Variants in IGFL2 observed in about 807,000 individuals in gnomAD.
IGFL2 encodes insulin growth factor-like family member 2.
A neutral mutation model predicts 13.9 loss-of-function variants in IGFL2; 7 were observed. The ratio of observed to expected loss-of-function variants is 0.51; its 90% confidence interval spans 0.29 to 0.95. The LOEUF (loss-of-function observed/expected upper bound fraction) is 0.95. Ranked by LOEUF, IGFL2 falls within the 40% of genes least tolerant of loss-of-function variation. IGFL2 has a pLI of 0.08. For synonymous variants in IGFL2, 55 were observed against 55.8 expected (o/e 0.99, Z 0.07); for missense variants, 138 against 147.8 (o/e 0.93, Z 0.34).
chr19:46,110,951 T>A, the IGFL2 span: 1 of 152,196 alleles, frequency 6.6e-6, no homozygotes, highest in Non-Finnish European at 1.5e-5. Flanking sequence ...AGCTTTGTTA[T>A]TTTTTTAAAA....
the IGFL2 span, among the ~76,000 whole-genome samples, chr19:46,090,986 C>T: frequency 1.3e-5 from 2 of 152,120 alleles, no homozygotes; most frequent in African/African-American, 4.8e-5. Flanking sequence ...TGCTATGCTG[C>T]CTGGGGTTGA....
chr19:46,207,752 C>G, the IGFL2 span: 1 of 152,198 alleles, frequency 6.6e-6, no homozygotes, highest in South Asian at 2.1e-4. Context: ...GAACAAAAGA[C>G]ATTCCTATCA....
At chr19:46,210,725 G>A in the IGFL2 span, among the ~76,000 whole-genome samples, 1 of 152,168 alleles carries the variant, frequency 6.6e-6, no homozygotes, top group Non-Finnish European at 1.5e-5. Flanking sequence ...CCCACGTTAA[G>A]GGTGGGTCTG....
chr19:46,193,716 A>G, the IGFL2 span, among the ~76,000 whole-genome samples: 13 of 152,148 alleles, frequency 8.5e-5, no homozygotes, highest in African/African-American at 2.2e-4. Context: ...CAGCTGCACT[A>G]TGTGGTAACT....
chr19:46,212,109 T>C, the IGFL2 span: 1 of 152,170 alleles, frequency 6.6e-6, no homozygotes, highest in Non-Finnish European at 1.5e-5. Flanking sequence ...GTTTTCCATG[T>C]TATCAGCACG....
chr19:46,183,330 G>C, the IGFL2 span, among the ~76,000 whole-genome samples: 6 of 152,054 alleles, frequency 3.9e-5, no homozygotes, highest in African/African-American at 1.5e-4. Context: ...TTTGAGTGGG[G>C]ACACAGAGCC....
At chr19:46,183,699 C>A in the IGFL2 span, among the ~76,000 whole-genome samples, 2 of 152,230 alleles carry the variant, frequency 1.3e-5, no homozygotes, top group East Asian at 3.9e-4. Flanking sequence ...CCATGCCTGG[C>A]TAATTTTTGT....
At chr19:46,150,460 T>TAA (rs1343030551) in intron 1 of IGFL2, among the ~76,000 whole-genome samples, 3 of 152,214 alleles carry the variant, frequency 2.0e-5, no homozygotes, top group Non-Finnish European at 2.9e-5. Flanking sequence ...CATTAAGACT[T>TAA]ACTTGTATGT....
chr19:46,190,534 A>G, the IGFL2 span: 1 of 152,244 alleles, frequency 6.6e-6, no homozygotes, highest in Non-Finnish European at 1.5e-5. Context: ...CAGTCAAGGG[A>G]ATGGGGACAT....
chr19:46,148,390 AT>A, intron 1 of IGFL2, 93 bp downstream of exon 1: 1 of 1,152,690 alleles, frequency 8.7e-7, no homozygotes, highest in Non-Finnish European at 1.3e-6. Context: ...TCCCTATTTA[AT>A]TCTTGGTTTC....
At chr19:46,172,367 C>T in the IGFL2 span, among the ~76,000 whole-genome samples, 3 of 152,192 alleles carry the variant, frequency 2.0e-5, no homozygotes, top group East Asian at 3.8e-4. Context: ...TAATCCATTA[C>T]AGGAAGGACT....
intron 1 of IGFL2, among the ~76,000 whole-genome samples, chr19:46,149,236 T>TTC (rs1201921334): frequency 4.8e-5 from 7 of 145,796 alleles, no homozygotes; most frequent in African/African-American, 1.3e-4. Context: ...TCTCTCCCTT[T>TTC]TCTCTCTCTC....
the IGFL2 span, chr19:46,124,075 C>T: frequency 3.7e-6 from 6 of 1,611,648 alleles, no homozygotes; most frequent in Middle Eastern, 1.7e-4. Context: ...ATCATAACAG[C>T]ACTGCTCTGA....
At chr19:46,084,801 G>A in the IGFL2 span, among the ~76,000 whole-genome samples, 1 of 152,134 alleles carries the variant, frequency 6.6e-6, no homozygotes, top group Non-Finnish European at 1.5e-5. Flanking sequence ...CCAACACTGG[G>A]TATTACATTT....
the IGFL2 span, among the ~76,000 whole-genome samples, chr19:46,167,619 TCTA>T: frequency 6.6e-6 from 1 of 152,172 alleles, no homozygotes; most frequent in Non-Finnish European, 1.5e-5. Context: ...AAATACATTA[TCTA>T]TTATGGACTG....
At chr19:46,200,200 G>A in the IGFL2 span, among the ~76,000 whole-genome samples, 953 of 149,524 alleles carry the variant, frequency 6.4e-3, 31 homozygotes, top group Admixed American at 0.049. Flanking sequence ...ACAAGATCTC[G>A]TTCTGTCACC....
the IGFL2 span, among the ~76,000 whole-genome samples, chr19:46,094,136 A>G: frequency 6.6e-6 from 1 of 151,680 alleles, no homozygotes; most frequent in African/African-American, 2.4e-5. Flanking sequence ...AGCTAAGACA[A>G]TTTTGTAAAA....
the IGFL2 span, among the ~76,000 whole-genome samples, chr19:46,118,519 C>T: frequency 2.0e-5 from 3 of 152,182 alleles, no homozygotes. Flanking sequence ...GGAGAAACCC[C>T]GGACTCATTA....
At chr19:46,098,582 G>A in the IGFL2 span, among the ~76,000 whole-genome samples, 1 of 150,474 alleles carries the variant, frequency 6.6e-6, no homozygotes, top group Non-Finnish European at 1.5e-5. Context: ...GGATTCAAGT[G>A]ATTCTCCTGC....
Sources: gnomAD v4.1 joint callset for allele counts (sites outside exome capture counted in the v4.1 genomes callset) on GRCh38, gnomAD v4.1.1 for gene constraint, MANE v1.5 for transcripts, NCBI Gene and HGNC (gene_info 2026-07-23, HGNC 2026-07-21) for gene names.